The following TMEM131L variants were observed in gnomAD, a reference collection of about 807,000 sequenced individuals.
TMEM131L encodes transmembrane protein 131-like.
Under a neutral mutation model 192.2 loss-of-function variants are expected in TMEM131L, and 54 were observed. The ratio of observed to expected loss-of-function variants is 0.28; its 90% CI spans 0.23 to 0.35. TMEM131L has a LOEUF of 0.35. TMEM131L is among the 10% of genes least tolerant of loss of function. TMEM131L has a pLI of 1.00. For missense variants in TMEM131L, 1,888 were observed against 1,972.9 expected (o/e 0.96, Z 0.82); for synonymous variants, 701 against 704.9 (o/e 0.99, Z 0.09).
Position 153,604,300 on chromosome 4 carries a change from C to T in TMEM131L, c.3288C>T (p.Asn1096=). The change falls in exon 25 of 35, where the codon AAC becomes AAT. Residue 1096 remains asparagine (N), a synonymous_variant. Coordinates refer to ENST00000409959, the MANE Select transcript of TMEM131L (RefSeq NM_001131007.2). The stretch of plus-strand genomic sequence containing the variant: ...AAACTGACATTAAAACTTCAGAGAA[C>T]ACAGCCGAGTTCAAGGAACGGGAGC... ...PKETDIKTSE[N]TAEFKERELC... The T allele has an allele frequency of 6.2e-7, 1 of 1,614,130 alleles. No individual in the cohort carries two copies. Among genetic ancestry groups the T allele is most frequent in the Non-Finnish European group, 8.5e-7 (1 of 1,180,016 alleles).
chr4:153,566,571 T>TATTGA (rs1343363270), intron 7 of TMEM131L, among the ~76,000 whole-genome samples: 17 of 151,666 alleles, frequency 1.1e-4, no homozygotes, highest in African/African-American at 4.1e-4. Context: ...AGTATCAAAT[T>TATTGA]ATTGAATTGT....
At position 153,612,325 on chromosome 4, in the gene TMEM131L, T is replaced by G. The variant is rs755155483; in HGVS notation, c.3492T>G (p.Pro1164=). 11 of 1,601,418 alleles carry G rather than the reference T, an allele frequency of 6.9e-6. No individual in the cohort carries two copies. The highest frequency in any genetic ancestry group is 9.4e-6 in the Non-Finnish European group (11 of 1,175,740). Residue 1164 remains proline, a synonymous_variant, in exon 26 of 35, where the codon CCT becomes CCG. Transcript: ENST00000409959. ...CENLKKVDTK[P]SSEKKIHKTS... ...ATTTGAAGAAGGTGGACACAAAGCCTTCTTCAGAAAAGAAGATTCACAAAA... is the reference window on the plus strand; with the variant it reads ...ATTTGAAGAAGGTGGACACAAAGCCGTCTTCAGAAAAGAAGATTCACAAAA...
intron 31 of TMEM131L, among the ~76,000 whole-genome samples, chr4:153,631,958 C>T (rs1734240420): frequency 6.6e-6 from 1 of 152,204 alleles, no homozygotes; most frequent in African/African-American, 2.4e-5. Context: ...CTCACTTCCT[C>T]ACGTCAATCA....
At chr4:153,513,840 C>T (rs1734526676) in intron 3 of TMEM131L, among the ~76,000 whole-genome samples, 1 of 152,166 alleles carries the variant, frequency 6.6e-6, no homozygotes, top group African/African-American at 2.4e-5. Flanking sequence ...TATCATGCTA[C>T]AATTTTGTCA....
Position 153,603,842 on chromosome 4 carries a change from G to A in TMEM131L, c.2830G>A (p.Asp944Asn). 1 of 1,608,906 alleles carries A rather than the reference G, an allele frequency of 6.2e-7. No homozygotes were observed. Among genetic ancestry groups the A allele is most frequent in the Non-Finnish European group, 8.5e-7 (1 of 1,178,508 alleles). Residue 944 changes from aspartate to asparagine, a missense_variant, in exon 25 of 35, where the codon GAT (aspartate) becomes AAT (asparagine). Coordinates refer to ENST00000409959, the MANE Select transcript of TMEM131L (RefSeq NM_001131007.2). ...KNFLDTYGPSDKGRGKNCLPV... is the reference protein window; with the variant it reads ...KNFLDTYGPSNKGRGKNCLPV... ...CTTTCTCGATACATATGGCCCCTCT[G>A]ATAAAGGCAGGGGGAAGAACTGCCT...
chr4:153,521,353 C>A (rs4392496), intron 3 of TMEM131L, among the ~76,000 whole-genome samples: 51,573 of 151,968 alleles, frequency 0.34, 10,169 homozygotes, highest in Non-Finnish European at 0.43. Context: ...ATGCGTGTCT[C>A]CTCTTGATGT....
chr4:153,601,014 G>C (rs1297291017), intron 21 of TMEM131L, among the ~76,000 whole-genome samples: 2 of 151,466 alleles, frequency 1.3e-5, no homozygotes, highest in Non-Finnish European at 2.9e-5. Flanking sequence ...GGAGGCTGAG[G>C]CAAGAGAATT....
chr4:153,617,506 G>C (rs913664662), intron 26 of TMEM131L, among the ~76,000 whole-genome samples: 10 of 152,220 alleles, frequency 6.6e-5, no homozygotes, highest in African/African-American at 2.4e-4. Context: ...ATCTTAGTCA[G>C]TGTGATAGGT....
Position 153,555,997 on chromosome 4 carries a change from C to T in TMEM131L, c.432+87C>T, listed in dbSNP as rs935713411. ...TTTGGCCTGAAGTTTTTACTTTCTG[C>T]TCCCTGTCTCCCGCTTTTTCTGGTA... On this transcript the variant is annotated intron_variant, in intron 5 of 34. Coordinates refer to ENST00000409959, the MANE Select transcript of TMEM131L (RefSeq NM_001131007.2). This position sits in a 1 kb window ranked among gnomAD's most constrained non-coding sequence, Gnocchi z 4.1. 1.5e-6 allele frequency: 2 copies of T among 1,325,956 alleles called. No individual in the cohort carries two copies. The highest frequency in any genetic ancestry group is 2.1e-6 in the Non-Finnish European group (2 of 971,842). The allele number at this position is 1,325,956 out of a possible 1,614,324, so 82.1% of individuals were successfully genotyped here.
At chr4:153,560,101 A>C (rs997964747) in intron 7 of TMEM131L, among the ~76,000 whole-genome samples, 1 of 152,028 alleles carries the variant, frequency 6.6e-6, no homozygotes, top group African/African-American at 2.4e-5. Flanking sequence ...GTCTCTCCCC[A>C]TCCTAATTTC....
At chr4:153,611,851 A>AGTAC (rs1479481616) in intron 25 of TMEM131L, among the ~76,000 whole-genome samples, 1 of 152,216 alleles carries the variant, frequency 6.6e-6, no homozygotes, top group Non-Finnish European at 1.5e-5. Context: ...TTAACCGTAC[A>AGTAC]GTTCAGTAGT....
intron 3 of TMEM131L, among the ~76,000 whole-genome samples, chr4:153,543,250 T>A (rs1736927491): frequency 6.6e-6 from 1 of 152,230 alleles, no homozygotes; most frequent in African/African-American, 2.4e-5. Flanking sequence ...TCTTTTCAAG[T>A]AGTTAATTGA....
intron 1 of TMEM131L, 44 bp downstream of exon 1, chr4:153,466,565 C>T (rs1209081032): frequency 7.8e-7 from 1 of 1,276,850 alleles, no homozygotes; most frequent in South Asian, 2.4e-5. Context: ...TCCACCCCGC[C>T]CCCGCTCTTT....
At chr4:153,603,739 A>G in intron 24 of TMEM131L, 63 bp from the exon 25 acceptor site, 1 of 1,490,294 alleles carries the variant, frequency 6.7e-7, no homozygotes, top group South Asian at 1.3e-5. Context: ...TGGATATGGA[A>G]GCAGACAAGT....
rs183713672 is a variant in TMEM131L, at chr4:153,556,127, G to T, written c.432+217G>T. On this transcript the variant is annotated intron_variant, in intron 5 of 34. Coordinates refer to ENST00000409959, the MANE Select transcript of TMEM131L (RefSeq NM_001131007.2). The stretch of plus-strand genomic sequence containing the variant: ...ATATCTACTGGGGCCGGGGGGAGGT[G>T]GGGGGTTGGGGGAGAGTTTGAAGGC... Among the ~76,000 whole-genome samples the T allele has an allele frequency of 9.5e-3, 1,438 of 150,768 alleles. 22 individuals are homozygous for T. The highest frequency in any genetic ancestry group is 0.033 in the African/African-American group (1,355 of 40,724).
chr4:153,479,328 T>A (rs1731760481), intron 3 of TMEM131L, among the ~76,000 whole-genome samples: 1 of 152,250 alleles, frequency 6.6e-6, no homozygotes, highest in Non-Finnish European at 1.5e-5. Context: ...TCTTCCCTCT[T>A]TCCTCTTCAT....
chr4:153,553,071 A>G (rs1336640703), intron 4 of TMEM131L, among the ~76,000 whole-genome samples: 1 of 152,244 alleles, frequency 6.6e-6, no homozygotes, highest in East Asian at 1.9e-4. Context: ...TAATAGTCGC[A>G]TGCTGAGAGA....
At chr4:153,609,553 C>T (rs1429742662) in intron 25 of TMEM131L, among the ~76,000 whole-genome samples, 2 of 152,188 alleles carry the variant, frequency 1.3e-5, no homozygotes, top group Non-Finnish European at 2.9e-5. Flanking sequence ...GTTAGAATTT[C>T]TCAGAGTCAC....
intron 3 of TMEM131L, among the ~76,000 whole-genome samples, chr4:153,528,696 A>G (rs1323406622): frequency 6.6e-6 from 1 of 152,122 alleles, no homozygotes; most frequent in Admixed American, 6.6e-5. Context: ...TTGCTGTTCC[A>G]CAAGCAAAGC....
Sources: allele counts gnomAD v4.1 joint callset (sites outside exome capture counted in the v4.1 genomes callset), GRCh38; gene constraint gnomAD v4.1.1; non-coding constraint Gnocchi (gnomAD v3.1); transcripts MANE v1.5; gene names NCBI Gene and HGNC (gene_info 2026-07-23, HGNC 2026-07-21).